GLI2: variants seen among roughly 807,000 people sequenced by gnomAD.
The protein encoded by GLI2 is GLI family zinc finger 2, also known as transcription activator GLI2.
A neutral mutation model predicts 78.9 loss-of-function variants in GLI2; 22 were observed. The ratio of observed to expected loss-of-function variants is 0.28; its 90% confidence interval spans 0.20 to 0.40. The LOEUF (loss-of-function observed/expected upper bound fraction) is 0.40. GLI2 is among the 10% of genes least tolerant of loss of function. GLI2 has a pLI of 1.00. For synonymous variants in GLI2, 974 were observed against 963.7 expected (o/e 1.01, Z -0.20); for missense variants, 2,097 against 2,213.2 (o/e 0.95, Z 1.05).
intron 2 of GLI2, among the ~76,000 whole-genome samples, chr2:120,842,166 G>A (rs991450690): frequency 1.3e-5 from 2 of 150,906 alleles, no homozygotes; most frequent in African/African-American, 4.9e-5. Context: ...CTCCCTCTCA[G>A]CCAGCCCCCT....
chr2:120,774,569 T>C lies in GLI2; in HGVS notation c.-30-22722T>C, dbSNP rs536853540. ...AATTCCTAGACAGGAAGTGGAAAAT[T>C]GGTAACCCGTGGCCTGGTCATCACC... On this transcript the variant is annotated intron_variant, in intron 1 of 13. Coordinates refer to ENST00000361492, the MANE Select transcript of GLI2 (RefSeq NM_001374353.1). Among the ~76,000 whole-genome samples the C allele has an allele frequency of 1.0e-3, 159 of 152,328 alleles. 2 individuals carry two copies. In the Middle Eastern group the frequency reaches 0.027, roughly 26 times the overall value.
At chr2:120,870,784 C>G (rs1421022266) in intron 2 of GLI2, among the ~76,000 whole-genome samples, 2 of 152,172 alleles carry the variant, frequency 1.3e-5, no homozygotes, top group African/African-American at 4.8e-5. Context: ...CCCTCTTGAG[C>G]CTCATCTTCC....
At chr2:120,931,861 G>C (rs1679957980) in intron 3 of GLI2, among the ~76,000 whole-genome samples, 1 of 152,208 alleles carries the variant, frequency 6.6e-6, no homozygotes, top group South Asian at 2.1e-4. Flanking sequence ...TTAAGCCCCA[G>C]TGATGGGCAG....
At chr2:120,792,665 C>T (rs1002798643) in intron 1 of GLI2, among the ~76,000 whole-genome samples, 2 of 152,188 alleles carry the variant, frequency 1.3e-5, no homozygotes, top group African/African-American at 2.4e-5. Context: ...ACTCTGTCTC[C>T]AAGCTGGAGT....
chr2:120,781,022 C>T (rs1683831017), intron 1 of GLI2, among the ~76,000 whole-genome samples: 2 of 152,168 alleles, frequency 1.3e-5, no homozygotes, highest in South Asian at 4.1e-4. Flanking sequence ...CGTGTCAGCT[C>T]CCATATCTCT....
chr2:120,872,518 G>C (rs1688516766), intron 2 of GLI2, among the ~76,000 whole-genome samples: 1 of 152,238 alleles, frequency 6.6e-6, no homozygotes, highest in Non-Finnish European at 1.5e-5. Context: ...TGCTGGCTGT[G>C]TGTGGTCAAC....
intron 2 of GLI2, among the ~76,000 whole-genome samples, chr2:120,863,894 A>G (rs1688012469): frequency 6.6e-6 from 1 of 152,160 alleles, no homozygotes; most frequent in African/African-American, 2.4e-5. Context: ...TGAGGCGTCA[A>G]TGTGAACAGG....
chr2:120,841,402 C>T (rs905109764), intron 2 of GLI2, among the ~76,000 whole-genome samples: 1 of 152,202 alleles, frequency 6.6e-6, no homozygotes, highest in Non-Finnish European at 1.5e-5. Context: ...CTCACTTTGC[C>T]TGGGGCCATC....
intron 3 of GLI2, among the ~76,000 whole-genome samples, chr2:120,950,544 C>A (rs1042071070): frequency 1.3e-5 from 2 of 152,130 alleles, no homozygotes; most frequent in African/African-American, 4.8e-5. Context: ...CCCAAGCCAG[C>A]GGCACCAAGC....
intron 2 of GLI2, among the ~76,000 whole-genome samples, chr2:120,836,375 G>T (rs942568362): frequency 1.3e-5 from 2 of 152,196 alleles, no homozygotes; most frequent in Non-Finnish European, 2.9e-5. Flanking sequence ...TTATGTTTTT[G>T]AGATGTATTC....
chr2:120,807,326 G>A (rs73949908), intron 2 of GLI2, among the ~76,000 whole-genome samples: 3,453 of 152,204 alleles, frequency 0.023, 120 homozygotes, highest in African/African-American at 0.077. Context: ...GCCAAAATGC[G>A]TATCTTTGGA....
intron 2 of GLI2, among the ~76,000 whole-genome samples, chr2:120,824,572 A>G (rs1228140557): frequency 3.9e-5 from 6 of 152,218 alleles, no homozygotes; most frequent in African/African-American, 1.4e-4. Context: ...CCCCTGCTCC[A>G]TCTCTGGCTG....
chr2:120,794,391 A>G (rs1164560892), intron 1 of GLI2, among the ~76,000 whole-genome samples: 1 of 152,084 alleles, frequency 6.6e-6, no homozygotes, highest in East Asian at 1.9e-4. Flanking sequence ...TAGACATGGG[A>G]AGACTTTACC....
chr2:120,966,679 C>A (rs1311374881), intron 5 of GLI2, among the ~76,000 whole-genome samples: 1 of 152,202 alleles, frequency 6.6e-6, no homozygotes, highest in African/African-American at 2.4e-5. Context: ...GGGGCTGGGC[C>A]GGGCATGGTT....
chr2:120,744,068 G>A (rs1682628756), intron 1 of GLI2, among the ~76,000 whole-genome samples: 1 of 152,244 alleles, frequency 6.6e-6, no homozygotes, highest in South Asian at 2.1e-4. Context: ...GCGGAAGCCT[G>A]TGATGGTCTT....
intron 1 of GLI2, among the ~76,000 whole-genome samples, chr2:120,766,073 A>G (rs1478352635): frequency 6.6e-6 from 1 of 152,148 alleles, no homozygotes; most frequent in Non-Finnish European, 1.5e-5. Flanking sequence ...GCGTGGCTGG[A>G]TCGTGTTTCC....
chr2:120,940,154 A>T (rs1293236218), intron 3 of GLI2, among the ~76,000 whole-genome samples: 1 of 152,140 alleles, frequency 6.6e-6, no homozygotes, highest in African/African-American at 2.4e-5. Flanking sequence ...TATTTTGCAC[A>T]CTAAGGTTAC....
intron 2 of GLI2, among the ~76,000 whole-genome samples, chr2:120,817,864 G>C (rs943123497): frequency 6.6e-6 from 1 of 152,086 alleles, no homozygotes; most frequent in African/African-American, 2.4e-5. Flanking sequence ...TAAGAGACCC[G>C]GCCGGCCTGA....
chr2:120,850,886 T>G (rs1687375189), intron 2 of GLI2, among the ~76,000 whole-genome samples: 1 of 152,188 alleles, frequency 6.6e-6, no homozygotes, highest in Non-Finnish European at 1.5e-5. Flanking sequence ...GCTCATAGGA[T>G]TAAAGAATCA....
Sources: allele counts gnomAD v4.1 joint callset (sites outside exome capture counted in the v4.1 genomes callset), GRCh38; gene constraint gnomAD v4.1.1; transcripts MANE v1.5; gene names NCBI Gene and HGNC (gene_info 2026-07-23, HGNC 2026-07-21).